Variants in ANK3 observed in about 807,000 individuals in gnomAD.
ANK3 encodes ankyrin-3.
In ANK3, 57 loss-of-function variants were observed where a neutral mutation model predicts 370.9. The observed-to-expected ratio is 0.15, with a 90% CI of 0.12 to 0.19. ANK3 has a LOEUF of 0.19. Among genes scored for constraint, ANK3 ranks in the 10% least tolerant of loss-of-function variants. The pLI is 1.00. For missense variants in ANK3, 4,439 were observed against 5,302.1 expected (o/e 0.84, Z 5.06); for synonymous variants, 1,929 against 1,946.3 (o/e 0.99, Z 0.23).
chr10:60,495,703 C>T (rs1035736306), intron 2 of ANK3, among the ~76,000 whole-genome samples: 2 of 152,074 alleles, frequency 1.3e-5, no homozygotes, highest in African/African-American at 2.4e-5. Flanking sequence ...GATCCTACTG[C>T]ACATTCTAGC....
chr10:60,711,610 T>G (rs755573566), intron 1 of ANK3, among the ~76,000 whole-genome samples: 1 of 151,888 alleles, frequency 6.6e-6, no homozygotes, highest in African/African-American at 2.4e-5. Context: ...AATAAATACA[T>G]AATGGCAATG....
intron 1 of ANK3, among the ~76,000 whole-genome samples, chr10:60,642,855 G>T (rs182050056): frequency 7.2e-5 from 11 of 152,196 alleles, no homozygotes; most frequent in Admixed American, 7.2e-4. Context: ...AATTTACAAT[G>T]TGCATGTGTC....
rs1179278111 is a variant in ANK3, at chr10:60,279,649, A to C, written c.115-10T>G. On this transcript the variant is annotated splice_polypyrimidine_tract_variant and intron_variant, in intron 1 of 43. Coordinates refer to ENST00000280772, the MANE Select transcript of ANK3 (RefSeq NM_020987.5). The stretch of plus-strand genomic sequence containing the variant: ...TTGCATTGGCATCAGACTAAAATAA[A>C]AAAGAAACACATTTTGATGAAAAAT... The C allele has an allele frequency of 6.2e-7, 1 of 1,602,606 alleles. No homozygotes were observed. The highest frequency in any genetic ancestry group is 2.2e-5 in the East Asian group (1 of 44,758).
At chr10:60,211,176 T>A (rs1405593782) in intron 9 of ANK3, among the ~76,000 whole-genome samples, 1 of 152,154 alleles carries the variant, frequency 6.6e-6, no homozygotes, top group Non-Finnish European at 1.5e-5. Flanking sequence ...AGACTGTGTA[T>A]GGAGCCGTCA....
intron 34 of ANK3, 169 bp downstream of exon 34, chr10:60,082,446 T>C (rs2085503568): frequency 3.2e-6 from 3 of 931,646 alleles, no homozygotes; most frequent in African/African-American, 1.7e-5. Flanking sequence ...ATACAAACTA[T>C]AAGAATTTGA....
Position 60,133,650 on chromosome 10 carries a change from C to A in ANK3, c.2841+621G>T, listed in dbSNP as rs188701469. Among the ~76,000 whole-genome samples the A allele has an allele frequency of 2.5e-3, 379 of 152,140 alleles. 1 individual carries two copies. Among genetic ancestry groups the A allele is most frequent in the African/African-American group, 8.3e-3 (343 of 41,516 alleles). On this transcript the variant is annotated intron_variant, in intron 25 of 43. Coordinates refer to ENST00000280772, the MANE Select transcript of ANK3 (RefSeq NM_020987.5). The stretch of plus-strand genomic sequence containing the variant: ...CAAAATACAACATTCAGGCTGGGTG[C>A]GGTGGTTCACACCTGTTCCCAGCAC...
At chr10:60,110,047 TTAC>T (rs972612891) in intron 26 of ANK3, among the ~76,000 whole-genome samples, 7 of 152,276 alleles carry the variant, frequency 4.6e-5, no homozygotes, top group Admixed American at 4.6e-4. Flanking sequence ...AATACACAGA[TTAC>T]TACTAGCACA....
At chr10:60,364,198 G>T (rs538064497) in intron 1 of ANK3, among the ~76,000 whole-genome samples, 4 of 151,552 alleles carry the variant, frequency 2.6e-5, no homozygotes, top group Non-Finnish European at 5.9e-5. Flanking sequence ...GGAGGCTGAG[G>T]CAGGAGAATT....
chr10:60,630,773 C>T lies in ANK3; in HGVS notation c.58-15549G>A, dbSNP rs771961771. ...CAGTGGGGGTAAAGAGCATAGAACACGGACAGGATAATGTGGTATGAAAAC... is the reference window on the plus strand; with the variant it reads ...CAGTGGGGGTAAAGAGCATAGAACATGGACAGGATAATGTGGTATGAAAAC... On this transcript the variant is annotated intron_variant, in intron 1 of 43. Transcript: ENST00000373827. Among the ~76,000 whole-genome samples, 10 of 152,122 alleles carry T rather than the reference C, an allele frequency of 6.6e-5. No homozygotes were observed. The East Asian group carries it at 1.3e-3, about 21-fold the overall frequency.
At chr10:60,587,356 C>T (rs965209204) in intron 2 of ANK3, among the ~76,000 whole-genome samples, 4 of 152,184 alleles carry the variant, frequency 2.6e-5, no homozygotes, top group African/African-American at 9.7e-5. Flanking sequence ...CATTAAGCCA[C>T]TGAGATTATG....
At chr10:60,402,707 C>G (rs995895105) in intron 2 of ANK3, among the ~76,000 whole-genome samples, 1 of 152,186 alleles carries the variant, frequency 6.6e-6, no homozygotes, top group African/African-American at 2.4e-5. Context: ...TGTCAAAAAG[C>G]CTGGGTTAGC....
chr10:60,657,694 A>G (rs1297689367), intron 1 of ANK3, among the ~76,000 whole-genome samples: 1 of 152,080 alleles, frequency 6.6e-6, no homozygotes, highest in East Asian at 1.9e-4. Context: ...AGTATTCTGT[A>G]GTTGTGTGTC....
chr10:60,490,525 A>G (rs1477240002), intron 2 of ANK3, among the ~76,000 whole-genome samples: 3 of 152,130 alleles, frequency 2.0e-5, no homozygotes, highest in African/African-American at 4.8e-5. Flanking sequence ...CCAACCAGCC[A>G]TTATCATTTA....
chr10:60,102,135 C>A (rs2132072027), intron 28 of ANK3, among the ~76,000 whole-genome samples: 1 of 149,918 alleles, frequency 6.7e-6, no homozygotes, highest in South Asian at 2.2e-4. Context: ...AGGGTGCCCA[C>A]TTGGGGTGTA....
intron 42 of ANK3, among the ~76,000 whole-genome samples, chr10:60,047,395 C>T (rs1286278530): frequency 2.6e-5 from 4 of 152,258 alleles, no homozygotes; most frequent in Admixed American, 6.5e-5. Flanking sequence ...ATGAAATGTA[C>T]CAATTTGCTT....
chr10:60,649,500 A>G (rs1020464367), intron 1 of ANK3, among the ~76,000 whole-genome samples: 2 of 152,210 alleles, frequency 1.3e-5, no homozygotes, highest in African/African-American at 4.8e-5. Context: ...AAAGTTTAGC[A>G]AAGTCAGTGA....
At chr10:60,314,091 A>G (rs2046937205) in intron 1 of ANK3, among the ~76,000 whole-genome samples, 1 of 152,194 alleles carries the variant, frequency 6.6e-6, no homozygotes, top group Non-Finnish European at 1.5e-5. Flanking sequence ...GTGATTGAAT[A>G]AATAACATTT....
At chr10:60,187,411 T>C (rs1035373327) in intron 16 of ANK3, among the ~76,000 whole-genome samples, 1 of 152,170 alleles carries the variant, frequency 6.6e-6, no homozygotes, top group African/African-American at 2.4e-5. Context: ...TGCCTCGGCC[T>C]CCCAAAGTGT....
intron 1 of ANK3, among the ~76,000 whole-genome samples, chr10:60,672,546 C>G (rs1564527628): frequency 6.6e-6 from 1 of 152,220 alleles, no homozygotes; most frequent in East Asian, 1.9e-4. Flanking sequence ...TGCATCCCAA[C>G]TCTATGAAGA....
Sources: allele counts gnomAD v4.1 joint callset (sites outside exome capture counted in the v4.1 genomes callset), GRCh38; gene constraint gnomAD v4.1.1; transcripts MANE v1.5; gene names NCBI Gene and HGNC (gene_info 2026-07-23, HGNC 2026-07-21).